SLC25A13: variants seen among roughly 807,000 people sequenced by gnomAD.
The protein encoded by SLC25A13 is solute carrier family 25 member 13.
SLC25A13 carries 70 observed loss-of-function variants against 85.5 expected under a neutral mutation model. That is an observed-to-expected ratio of 0.82 (90% CI 0.68 to 1.00). The LOEUF (loss-of-function observed/expected upper bound fraction) is 1.00, where lower values mean the gene tolerates loss of function less well. Among genes scored for constraint, SLC25A13 ranks in the 50% least tolerant of loss-of-function variants. The pLI is 0.00. For missense variants in SLC25A13, 765 were observed against 819.8 expected (o/e 0.93, Z 0.82); for synonymous variants, 259 against 288.7 (o/e 0.90, Z 1.04).
intron 3 of SLC25A13, among the ~76,000 whole-genome samples, chr7:96,241,350 A>G (rs1280031425): frequency 1.3e-5 from 2 of 152,352 alleles, no homozygotes; most frequent in African/African-American, 4.8e-5. Flanking sequence ...TTAATCTACA[A>G]GGATATTTAC....
chr7:96,317,131 C>T (rs1185818297), intron 1 of SLC25A13, among the ~76,000 whole-genome samples: 2 of 152,060 alleles, frequency 1.3e-5, no homozygotes, highest in African/African-American at 4.8e-5. Context: ...CCACTATGCC[C>T]GGCTAATTGT....
intron 3 of SLC25A13, among the ~76,000 whole-genome samples, chr7:96,243,992 G>C (rs951152387): frequency 6.6e-6 from 1 of 152,208 alleles, no homozygotes; most frequent in Non-Finnish European, 1.5e-5. Flanking sequence ...AGACACTGTG[G>C]AGCACGGGCC....
At chr7:96,168,044 G>A (rs1047452598) in intron 13 of SLC25A13, among the ~76,000 whole-genome samples, 2 of 132,868 alleles carry the variant, frequency 1.5e-5, no homozygotes, top group African/African-American at 5.5e-5. Context: ...AGGCTGCAGT[G>A]AGCCAAGATC....
Position 96,171,761 on chromosome 7 carries a change from A to G in SLC25A13, c.1178-237T>C, listed in dbSNP as rs59694807. On this transcript the variant is annotated intron_variant, in intron 11 of 17. Coordinates refer to ENST00000265631, the MANE Select transcript of SLC25A13 (RefSeq NM_014251.3). ...GGATCGTTTGCACATTGGGTAAATC[A>G]ACAGTATTAGTGATATAGGAAATCT... Among the ~76,000 whole-genome samples, 1,725 of 152,292 alleles carry G rather than the reference A, an allele frequency of 0.011. 34 individuals are homozygous for G. Among genetic ancestry groups the G allele is most frequent in the African/African-American group, 0.04 (1,659 of 41,552 alleles).
chr7:96,140,901 C>T (rs185906783), intron 14 of SLC25A13, among the ~76,000 whole-genome samples: 87 of 151,988 alleles, frequency 5.7e-4, no homozygotes, highest in Admixed American at 1.4e-3. Flanking sequence ...ATTGGTATGT[C>T]CTCTTTGGAG....
At chr7:96,276,137 C>A (rs1798442469) in intron 3 of SLC25A13, among the ~76,000 whole-genome samples, 2 of 152,200 alleles carry the variant, frequency 1.3e-5, no homozygotes, top group African/African-American at 4.8e-5. Flanking sequence ...AAGTCTCCTA[C>A]AGTTTACCTA....
At chr7:96,171,606 C>T (rs1364120718) in intron 11 of SLC25A13, 82 bp from the exon 12 acceptor site, 2 of 1,171,172 alleles carry the variant, frequency 1.7e-6, no homozygotes, top group Non-Finnish European at 2.5e-6. Context: ...AGGGGATTAC[C>T]ACTTAAAAAC....
At chr7:96,256,529 T>C (rs1459831212) in intron 3 of SLC25A13, among the ~76,000 whole-genome samples, 2 of 152,110 alleles carry the variant, frequency 1.3e-5, no homozygotes, top group African/African-American at 4.8e-5. Flanking sequence ...CTATCCTAAA[T>C]ACATATGGAG....
At chr7:96,292,486 A>C (rs1354083610) in intron 2 of SLC25A13, among the ~76,000 whole-genome samples, 2 of 152,212 alleles carry the variant, frequency 1.3e-5, no homozygotes, top group Non-Finnish European at 2.9e-5. Flanking sequence ...GAGGAAGTCA[A>C]ATTGTCCTGT....
At chr7:96,238,316 T>C (rs1796819824) in intron 3 of SLC25A13, among the ~76,000 whole-genome samples, 1 of 151,814 alleles carries the variant, frequency 6.6e-6, no homozygotes, top group East Asian at 1.9e-4. Flanking sequence ...GATTCTCCCT[T>C]ACAGCCCTCA....
intron 1 of SLC25A13, among the ~76,000 whole-genome samples, chr7:96,311,830 T>C (rs992249664): frequency 6.6e-6 from 1 of 152,186 alleles, no homozygotes; most frequent in Non-Finnish European, 1.5e-5. Context: ...GAAACATTTC[T>C]GTCTCTGACT....
At chr7:96,220,575 T>G (rs1229233889) in intron 4 of SLC25A13, among the ~76,000 whole-genome samples, 3 of 152,166 alleles carry the variant, frequency 2.0e-5, no homozygotes, top group Admixed American at 2.0e-4. Context: ...AAAACTGTAT[T>G]TTTATCTCTC....
chr7:96,133,541 G>C (rs558019834), intron 14 of SLC25A13, among the ~76,000 whole-genome samples: 1 of 152,126 alleles, frequency 6.6e-6, no homozygotes, highest in Non-Finnish European at 1.5e-5. Context: ...CTCTTTCAAA[G>C]GGAAAACATA....
chr7:96,268,830 A>C (rs1453175294), intron 3 of SLC25A13, among the ~76,000 whole-genome samples: 1 of 152,134 alleles, frequency 6.6e-6, no homozygotes, highest in African/African-American at 2.4e-5. Flanking sequence ...CAGGCAAGCC[A>C]GCCTCTGCAT....
At chr7:96,240,313 G>T (rs1562869934) in intron 3 of SLC25A13, among the ~76,000 whole-genome samples, 1 of 152,196 alleles carries the variant, frequency 6.6e-6, no homozygotes, top group Non-Finnish European at 1.5e-5. Context: ...CCAGAAGGAA[G>T]ATGTGTTTGG....
At chr7:96,251,595 T>G (rs1267265733) in intron 3 of SLC25A13, among the ~76,000 whole-genome samples, 2 of 152,144 alleles carry the variant, frequency 1.3e-5, no homozygotes, top group African/African-American at 4.8e-5. Flanking sequence ...GTTGAATCAC[T>G]CAGTGGGAAT....
intron 3 of SLC25A13, among the ~76,000 whole-genome samples, chr7:96,273,822 T>A (rs1294830457): frequency 6.6e-6 from 1 of 152,206 alleles, no homozygotes; most frequent in African/African-American, 2.4e-5. Flanking sequence ...GCATGTGAAC[T>A]TGGTCACACT....
intron 13 of SLC25A13, among the ~76,000 whole-genome samples, chr7:96,153,055 A>G (rs1238924978): frequency 6.6e-6 from 1 of 152,210 alleles, no homozygotes; most frequent in Non-Finnish European, 1.5e-5. Context: ...AGATAAAACT[A>G]CTAGGGATAA....
intron 2 of SLC25A13, 119 bp downstream of exon 2, chr7:96,296,779 C>A (rs935234348): frequency 1.9e-6 from 2 of 1,045,584 alleles, no homozygotes; most frequent in Non-Finnish European, 2.9e-6. Flanking sequence ...CCGTGCCGGG[C>A]TGACACTTTG....
Sources: gnomAD v4.1 joint callset for allele counts (sites outside exome capture counted in the v4.1 genomes callset) on GRCh38, gnomAD v4.1.1 for gene constraint, MANE v1.5 for transcripts, NCBI Gene and HGNC (gene_info 2026-07-23, HGNC 2026-07-21) for gene names.